Variants in MARCHF4 observed in about 807,000 individuals in gnomAD.
The protein encoded by MARCHF4 is E3 ubiquitin-protein ligase MARCHF4.
MARCHF4 carries 14 observed loss-of-function variants against 43.9 expected under a neutral mutation model. That is an observed-to-expected ratio of 0.32 (90% confidence interval 0.21 to 0.50). MARCHF4 has a LOEUF of 0.50. Ranked by LOEUF, MARCHF4 falls within the 20% of genes least tolerant of loss-of-function variation. MARCHF4 has a pLI of 0.98. For missense variants in MARCHF4, 468 were observed against 536.7 expected, an observed-to-expected ratio of 0.87 and a Z score of 1.27; for synonymous variants, 226 against 213.3, an observed-to-expected ratio of 1.06 and a Z score of -0.52.
At chr2:216,324,068 C>T (rs1174529074) in intron 1 of MARCHF4, among the ~76,000 whole-genome samples, 1 of 149,750 alleles carries the variant, frequency 6.7e-6, no homozygotes, top group Admixed American at 6.7e-5. Context: ...AGACCGCTAG[C>T]AAGACTAATA....
At chr2:216,273,728 C>A (rs2577789) in intron 3 of MARCHF4, among the ~76,000 whole-genome samples, 38 of 152,230 alleles carry the variant, frequency 2.5e-4, no homozygotes, top group African/African-American at 8.0e-4. Flanking sequence ...AAGATAGATG[C>A]CTCCCGTGGC....
chr2:216,284,732 A>G (rs1691192561), intron 1 of MARCHF4, among the ~76,000 whole-genome samples: 1 of 152,140 alleles, frequency 6.6e-6, no homozygotes, highest in South Asian at 2.1e-4. Flanking sequence ...ACTTGGCTGC[A>G]GACTATAGAA....
At chr2:216,260,292 G>A (rs567173037) in intron 3 of MARCHF4, among the ~76,000 whole-genome samples, 2 of 152,322 alleles carry the variant, frequency 1.3e-5, no homozygotes, top group East Asian at 1.9e-4. Context: ...TACTGCAGTC[G>A]GCAGGACACC....
chr2:216,295,210 G>A (rs1418464372), intron 1 of MARCHF4, among the ~76,000 whole-genome samples: 1 of 152,174 alleles, frequency 6.6e-6, no homozygotes, highest in Non-Finnish European at 1.5e-5. Flanking sequence ...CTGCCTCCCA[G>A]GTGCTCATGA....
intron 1 of MARCHF4, among the ~76,000 whole-genome samples, chr2:216,343,405 G>A: frequency 6.6e-6 from 1 of 152,074 alleles, no homozygotes; most frequent in East Asian, 1.9e-4. Context: ...TTCTCATAAG[G>A]ACACTAATCC....
At chr2:216,271,942 C>A (rs1690944766) in intron 3 of MARCHF4, among the ~76,000 whole-genome samples, 1 of 150,048 alleles carries the variant, frequency 6.7e-6, no homozygotes, top group Non-Finnish European at 1.5e-5. Context: ...AGGTGCACAC[C>A]ACCACACCTG....
intron 1 of MARCHF4, among the ~76,000 whole-genome samples, chr2:216,368,874 G>T (rs1036207739): frequency 3.9e-5 from 6 of 152,190 alleles, no homozygotes; most frequent in Admixed American, 1.3e-4. Context: ...ATACTAGATT[G>T]TAGGTGAACT....
intron 3 of MARCHF4, among the ~76,000 whole-genome samples, chr2:216,273,026 C>T (rs1690963844): frequency 6.6e-6 from 1 of 152,198 alleles, no homozygotes; most frequent in African/African-American, 2.4e-5. Context: ...TGGATGGATA[C>T]AGCTGTGGAT....
chr2:216,361,224 G>GGTGTCACC (rs879653821), intron 1 of MARCHF4, among the ~76,000 whole-genome samples: 12,183 of 152,196 alleles, frequency 0.08, 705 homozygotes, highest in South Asian at 0.24. Flanking sequence ...CTAGAAAGGT[G>GGTGTCACC]TTAAAGATAT....
At chr2:216,313,021 A>G (rs1851326) in intron 1 of MARCHF4, among the ~76,000 whole-genome samples, 71,633 of 151,936 alleles carry the variant, frequency 0.47, 17,037 homozygotes, top group Middle Eastern at 0.54. Context: ...CAAGTCTTAC[A>G]TTTAGTCTTT....
intron 3 of MARCHF4, among the ~76,000 whole-genome samples, chr2:216,267,485 G>T (rs12988570): frequency 0.24 from 36,345 of 152,138 alleles, 5,309 homozygotes; most frequent in Middle Eastern, 0.34. Flanking sequence ...AGAGATGGAA[G>T]GAGTTTGGGA....
intron 1 of MARCHF4, among the ~76,000 whole-genome samples, chr2:216,358,183 A>C (rs1692528257): frequency 6.6e-6 from 1 of 152,150 alleles, no homozygotes; most frequent in African/African-American, 2.4e-5. Flanking sequence ...ACAGTGGAGG[A>C]AATTAAGATT....
At chr2:216,330,478 G>T (rs1345156570) in intron 1 of MARCHF4, among the ~76,000 whole-genome samples, 1 of 152,052 alleles carries the variant, frequency 6.6e-6, no homozygotes, top group Non-Finnish European at 1.5e-5. Context: ...AATTAACGAG[G>T]ATATGAAAGA....
At chr2:216,303,122 T>C (rs1249894750) in intron 1 of MARCHF4, among the ~76,000 whole-genome samples, 1 of 151,978 alleles carries the variant, frequency 6.6e-6, no homozygotes, top group Admixed American at 6.6e-5. Flanking sequence ...GGGAAGAAAA[T>C]ATGTGAACAA....
intron 1 of MARCHF4, among the ~76,000 whole-genome samples, chr2:216,289,675 A>G (rs1691276535): frequency 6.6e-6 from 1 of 152,212 alleles, no homozygotes; most frequent in Admixed American, 6.5e-5. Context: ...TGACAGGTAA[A>G]CCAAAGACTT....
At chr2:216,352,419 G>C (rs909613929) in intron 1 of MARCHF4, among the ~76,000 whole-genome samples, 1 of 152,236 alleles carries the variant, frequency 6.6e-6, no homozygotes, top group Admixed American at 6.5e-5. Context: ...TGAGTGTGCA[G>C]AGAAAGGAGG....
rs1265779935 is a variant in MARCHF4, at chr2:216,370,164, G to A, written c.97C>T (p.Arg33Cys). 2 of 1,610,916 alleles carry A rather than the reference G, an allele frequency of 1.2e-6. No homozygotes were observed. The highest frequency in any genetic ancestry group is 3.4e-5 in the Admixed American group (2 of 59,492). ...GLCAPAPQML[R>C]HQGLLKCRCR... ...CGGCACTTGAGGAGACCCTGGTGGC[G>A]CAACATCTGGGGGGCTGGGGCACAC... Residue 33 changes from arginine to cysteine, a missense_variant, in exon 1 of 4, where the codon CGC (arginine) becomes TGC (cysteine). Arg to Cys is a radical substitution (Grantham distance 180). This residue lies in a region of MARCHF4 where 190 missense variants were observed against 158.5 expected (regional missense o/e 1.20). Coordinates refer to ENST00000273067, the MANE Select transcript of MARCHF4 (RefSeq NM_020814.3).
At chr2:216,337,153 A>G (rs1464870266) in intron 1 of MARCHF4, among the ~76,000 whole-genome samples, 2 of 144,684 alleles carry the variant, frequency 1.4e-5, no homozygotes, top group African/African-American at 5.0e-5. Context: ...CTCCCTCTTG[A>G]AAAAAAAAAA....
intron 1 of MARCHF4, among the ~76,000 whole-genome samples, chr2:216,289,362 C>G (rs1040839907): frequency 6.6e-6 from 1 of 151,924 alleles, no homozygotes; most frequent in African/African-American, 2.4e-5. Flanking sequence ...CAGTGAATTG[C>G]CTTTCATTGA....
Sources: gnomAD v4.1 joint callset for allele counts (sites outside exome capture counted in the v4.1 genomes callset) on GRCh38, gnomAD v4.1.1 for gene constraint, gnomAD v4.1.1 regional missense constraint, MANE v1.5 for transcripts, NCBI Gene and HGNC (gene_info 2026-07-23, HGNC 2026-07-21) for gene names.